MAGI2: variants seen among roughly 807,000 people sequenced by gnomAD.
MAGI2 encodes the protein membrane-associated guanylate kinase, WW and PDZ domain-containing protein 2.
A neutral mutation model predicts 133.3 loss-of-function variants in MAGI2; 35 were observed. The observed-to-expected ratio is 0.26, with a 90% CI of 0.20 to 0.35. The LOEUF (loss-of-function observed/expected upper bound fraction) is 0.35, where lower values mean the gene tolerates loss of function less well. MAGI2 is among the 10% of genes least tolerant of loss of function. The probability of loss-of-function intolerance (pLI) is 1.00; values close to 1 mark genes in which losing one functional copy is unlikely to be tolerated. For synonymous variants in MAGI2, 729 were observed against 710.6 expected, an observed-to-expected ratio of 1.03 and a Z score of -0.41; for missense variants, 1,636 against 1,863.4, an observed-to-expected ratio of 0.88 and a Z score of 2.25.
At chr7:78,091,268 T>C (rs1711791068) in intron 20 of MAGI2, among the ~76,000 whole-genome samples, 1 of 151,040 alleles carries the variant, frequency 6.6e-6, no homozygotes, top group Admixed American at 6.6e-5. Flanking sequence ...CTTTGGGAGG[T>C]TTTTGGGTCA....
Position 78,241,067 on chromosome 7 carries a change from C to G in MAGI2, c.2047+14876G>C, listed in dbSNP as rs145510394. Among the ~76,000 whole-genome samples, 472 of 152,074 alleles carry G rather than the reference C, an allele frequency of 3.1e-3. 5 individuals are homozygous for G. The highest frequency in any genetic ancestry group is 0.011 in the African/African-American group (449 of 41,476). On this transcript the variant is annotated intron_variant, in intron 10 of 21. Transcript: ENST00000354212. The stretch of plus-strand genomic sequence containing the variant: ...CTCCTAGGAGGCAAACTTCTTGAGG[C>G]AGGGACTTTGTTTTGCTCATTGCCG...
At chr7:79,081,283 T>G (rs1303104669) in intron 1 of MAGI2, among the ~76,000 whole-genome samples, 1 of 152,178 alleles carries the variant, frequency 6.6e-6, no homozygotes, top group African/African-American at 2.4e-5. Context: ...TAAGAACCCA[T>G]GGCACGCAAG....
Position 78,883,315 on chromosome 7 carries a change from T to G in MAGI2, c.418+123775A>C, listed in dbSNP as rs1796022506. On this transcript the variant is annotated intron_variant, in intron 2 of 21. Transcript: ENST00000354212. ...AACAAAAAACACCAAGGAATACATG[T>G]AACCAAGGAGGTGAAAGATTTTTGC... Among the ~76,000 whole-genome samples the G allele has an allele frequency of 1.3e-5, 2 of 151,856 alleles. 1 individual carries two copies. Among genetic ancestry groups the G allele is most frequent in the South Asian group, 4.1e-4 (2 of 4,824 alleles).
In MAGI2 at chr7:78,283,043, T is replaced by A. The variant is rs1479463594; in HGVS notation, c.1409-26462A>T. On this transcript the variant is annotated intron_variant, in intron 9 of 21. Transcript: ENST00000354212. The stretch of plus-strand genomic sequence containing the variant: ...TTTATTATATTGCTTTTATTATTAT[T>A]TTAGAGATGAGGTCTCACTATGTTA... Among the ~76,000 whole-genome samples, 5 of 152,058 alleles carry A rather than the reference T, an allele frequency of 3.3e-5. No individual in the cohort carries two copies. In the East Asian group the frequency reaches 9.6e-4, roughly 29 times the overall value.
intron 1 of MAGI2, among the ~76,000 whole-genome samples, chr7:79,311,806 T>C (rs1466738678): frequency 2.6e-5 from 4 of 152,158 alleles, no homozygotes. Context: ...TACAGAGCCT[T>C]TCCCATCTCA....
At chr7:79,132,991 T>C (rs192937373) in intron 1 of MAGI2, among the ~76,000 whole-genome samples, 1 of 152,230 alleles carries the variant, frequency 6.6e-6, no homozygotes, top group East Asian at 1.9e-4. Context: ...CACTTTTTGA[T>C]GGGATATTTG....
chr7:78,157,241 T>C (rs1341760950), intron 16 of MAGI2, among the ~76,000 whole-genome samples: 2 of 152,172 alleles, frequency 1.3e-5, no homozygotes, highest in Non-Finnish European at 2.9e-5. Context: ...TTAAACTCCC[T>C]AAATTGAAAA....
intron 1 of MAGI2, among the ~76,000 whole-genome samples, chr7:79,337,854 G>A (rs1563129679): frequency 6.6e-6 from 1 of 152,086 alleles, no homozygotes; most frequent in Non-Finnish European, 1.5e-5. Context: ...CCTTAATTGT[G>A]ATGTGGTGTG....
chr7:78,847,673 A>G lies in MAGI2; in HGVS notation c.418+159417T>C, dbSNP rs557250386. On this transcript the variant is annotated intron_variant, in intron 2 of 21. Transcript: ENST00000354212. ...AGACATTAAACATATCTGTGATCTTATCTATCTACATCACAAATGTCACCT... is the reference window on the plus strand; with the variant it reads ...AGACATTAAACATATCTGTGATCTTGTCTATCTACATCACAAATGTCACCT... Among the ~76,000 whole-genome samples, 3 of 152,052 alleles carry G rather than the reference A, an allele frequency of 2.0e-5. No homozygotes were observed. The South Asian group carries it at 6.2e-4, about 31-fold the overall frequency.
In MAGI2 at chr7:79,453,429, C is replaced by A. The variant is rs983732137; in HGVS notation, c.-109G>T. ...GGGGCCCAGGGGGAAGAACAGCAGA[C>A]TTTGCCTTCGCCCCCCTCTATTCGG... On this transcript the variant is annotated 5_prime_UTR_variant, in exon 1 of 22. Transcript: ENST00000354212. 58 of 1,499,864 alleles carry A rather than the reference C, an allele frequency of 3.9e-5. 1 individual carries two copies. Among genetic ancestry groups the A allele is most frequent in the Middle Eastern group, 3.8e-4 (2 of 5,254 alleles). 92.9% of individuals were successfully genotyped at this position (1,499,864 alleles called of 1,614,324 possible).
At chr7:78,342,249 A>G (rs1050198995) in intron 9 of MAGI2, among the ~76,000 whole-genome samples, 1 of 152,236 alleles carries the variant, frequency 6.6e-6, no homozygotes, top group Non-Finnish European at 1.5e-5. Flanking sequence ...TCAAAACCAC[A>G]ATGAGATACC....
intron 20 of MAGI2, among the ~76,000 whole-genome samples, chr7:78,108,375 C>T (rs1446386537): frequency 1.3e-5 from 2 of 152,070 alleles, no homozygotes; most frequent in Non-Finnish European, 2.9e-5. Flanking sequence ...TTTTTTAAGA[C>T]TTGTTTTGTG....
chr7:78,929,565 T>G (rs2151653306), intron 2 of MAGI2, among the ~76,000 whole-genome samples: 1 of 152,158 alleles, frequency 6.6e-6, no homozygotes, highest in South Asian at 2.1e-4. Flanking sequence ...TTCTAGTGGC[T>G]GCCTGTATTT....
At chr7:78,747,973 C>T (rs1474754132) in intron 2 of MAGI2, among the ~76,000 whole-genome samples, 1 of 152,132 alleles carries the variant, frequency 6.6e-6, no homozygotes, top group Non-Finnish European at 1.5e-5. Flanking sequence ...GTACTATATG[C>T]ACTCAATATC....
intron 1 of MAGI2, among the ~76,000 whole-genome samples, chr7:79,061,542 G>C (rs554407270): frequency 6.6e-6 from 1 of 151,934 alleles, no homozygotes; most frequent in Non-Finnish European, 1.5e-5. Flanking sequence ...GGCTAGCTCT[G>C]AAGTTTTTTT....
intron 2 of MAGI2, chr7:79,000,391 G>T (rs377296498): frequency 1.3e-5 from 2 of 152,256 alleles, no homozygotes; most frequent in Non-Finnish European, 2.9e-5. Flanking sequence ...ACATTGCCTT[G>T]TTAGATGTTA....
chr7:78,501,503 C>T (rs558384402), intron 5 of MAGI2, 74 bp downstream of exon 5: 26 of 1,052,406 alleles, frequency 2.5e-5, no homozygotes, highest in Admixed American at 1.3e-4. Flanking sequence ...TTTTTTTCCA[C>T]GTCTAACTTG....
At chr7:78,475,220 G>C (rs555582177) in intron 6 of MAGI2, among the ~76,000 whole-genome samples, 6 of 152,048 alleles carry the variant, frequency 3.9e-5, no homozygotes, top group African/African-American at 1.4e-4. Flanking sequence ...GGAAACAATA[G>C]CAACAGCTGG....
chr7:79,019,209 A>G lies in MAGI2; in HGVS notation c.302-12003T>C, dbSNP rs75324220. ...AACCACAATTTTGGACCATTATATG[A>G]TTTGGCTCTGTGTCCCCACTGAAAT... On this transcript the variant is annotated intron_variant, in intron 1 of 21. Transcript: ENST00000354212. Among the ~76,000 whole-genome samples the G allele has an allele frequency of 5.1e-3, 771 of 152,308 alleles. 9 individuals are homozygous for G. Among genetic ancestry groups the G allele is most frequent in the African/African-American group, 0.018 (733 of 41,564 alleles).
Sources: gnomAD v4.1 joint callset for allele counts (sites outside exome capture counted in the v4.1 genomes callset) on GRCh38, gnomAD v4.1.1 for gene constraint, MANE v1.5 for transcripts, NCBI Gene and HGNC (gene_info 2026-07-23, HGNC 2026-07-21) for gene names.